GALNTL6: variants seen among roughly 807,000 people sequenced by gnomAD.
GALNTL6 encodes the protein polypeptide N-acetylgalactosaminyltransferase-like 6.
In GALNTL6, 46 loss-of-function variants were observed where a neutral mutation model predicts 73.7. That is an observed-to-expected ratio of 0.62 (90% CI 0.49 to 0.80). The LOEUF is 0.80. GALNTL6 is among the 30% of genes least tolerant of loss of function. The pLI is 0.00. For missense variants in GALNTL6, 604 were observed against 755.0 expected (o/e 0.80, Z 2.34); for synonymous variants, 259 against 263.7 (o/e 0.98, Z 0.17).
intron 12 of GALNTL6, among the ~76,000 whole-genome samples, chr4:173,024,218 G>A (rs1753136506): frequency 6.6e-6 from 1 of 152,192 alleles, no homozygotes; most frequent in Admixed American, 6.5e-5. Flanking sequence ...AGGATCCTAA[G>A]GGATTTGTGA....
chr4:172,939,429 A>G (rs960840043), intron 9 of GALNTL6, among the ~76,000 whole-genome samples: 3 of 152,264 alleles, frequency 2.0e-5, no homozygotes, highest in Non-Finnish European at 4.4e-5. Flanking sequence ...AAAGTCAATC[A>G]TAAATTAATG....
intron 2 of GALNTL6, among the ~76,000 whole-genome samples, chr4:171,816,880 T>C (rs1474212567): frequency 6.6e-6 from 1 of 151,982 alleles, no homozygotes; most frequent in East Asian, 1.9e-4. Context: ...ATATTGATAT[T>C]GGAACAAATA....
intron 4 of GALNTL6, among the ~76,000 whole-genome samples, chr4:172,324,436 A>G (rs1307404500): frequency 1.3e-5 from 2 of 151,720 alleles, no homozygotes; most frequent in East Asian, 3.8e-4. Context: ...TACTAAGCTT[A>G]AATTTTCCTT....
At chr4:172,416,189 A>C (rs1216928463) in intron 5 of GALNTL6, among the ~76,000 whole-genome samples, 1 of 152,194 alleles carries the variant, frequency 6.6e-6, no homozygotes, top group African/African-American at 2.4e-5. Flanking sequence ...AGAAAGCACA[A>C]CATTAGACGT....
At chr4:172,960,359 A>G (rs190281555) in intron 10 of GALNTL6, among the ~76,000 whole-genome samples, 1 of 152,320 alleles carries the variant, frequency 6.6e-6, no homozygotes, top group East Asian at 1.9e-4. Context: ...TCACGGAACG[A>G]AACTGTAAGC....
chr4:172,847,862 C>T (rs1475334846), intron 7 of GALNTL6, among the ~76,000 whole-genome samples: 1 of 152,178 alleles, frequency 6.6e-6, no homozygotes, highest in Non-Finnish European at 1.5e-5. Flanking sequence ...GAGTGCACAA[C>T]TAGGGGTCTT....
intron 8 of GALNTL6, among the ~76,000 whole-genome samples, chr4:172,925,129 C>A (rs2111302939): frequency 6.6e-6 from 1 of 151,746 alleles, no homozygotes; most frequent in South Asian, 2.1e-4. Context: ...ACCTTGGCCT[C>A]CCAAAGTGCT....
At chr4:172,262,885 T>C (rs2111039241) in intron 3 of GALNTL6, among the ~76,000 whole-genome samples, 1 of 151,740 alleles carries the variant, frequency 6.6e-6, no homozygotes, top group South Asian at 2.1e-4. Context: ...TTAAGTTTAG[T>C]TTGCTAGATA....
At chr4:172,799,599 T>G in intron 5 of GALNTL6, among the ~76,000 whole-genome samples, 1 of 152,156 alleles carries the variant, frequency 6.6e-6, no homozygotes, top group East Asian at 1.9e-4. Context: ...TTTATCTATA[T>G]ATACATTTTA....
At chr4:171,817,922 A>G (rs1384465206) in intron 2 of GALNTL6, among the ~76,000 whole-genome samples, 8 of 151,564 alleles carry the variant, frequency 5.3e-5, no homozygotes, top group Admixed American at 5.2e-4. Flanking sequence ...ATTTTTATTT[A>G]GATGTTACAT....
intron 5 of GALNTL6, among the ~76,000 whole-genome samples, chr4:172,360,180 C>G (rs1742313564): frequency 6.6e-6 from 1 of 152,102 alleles, no homozygotes; most frequent in Admixed American, 6.5e-5. Context: ...ATATATAATT[C>G]CAAGATCCAC....
At chr4:171,982,550 A>C (rs569204024) in intron 2 of GALNTL6, among the ~76,000 whole-genome samples, 3 of 152,054 alleles carry the variant, frequency 2.0e-5, no homozygotes, top group Non-Finnish European at 4.4e-5. Context: ...CGCCCGCCTC[A>C]GCCTCCCAAA....
At chr4:172,337,504 G>A (rs1461620895) in intron 4 of GALNTL6, among the ~76,000 whole-genome samples, 3 of 152,068 alleles carry the variant, frequency 2.0e-5, no homozygotes, top group Non-Finnish European at 4.4e-5. Flanking sequence ...GTGATTATAT[G>A]TCTGGAAAAT....
At chr4:172,823,660 A>G (rs1316927275) in intron 7 of GALNTL6, among the ~76,000 whole-genome samples, 3 of 152,220 alleles carry the variant, frequency 2.0e-5, no homozygotes, top group Non-Finnish European at 4.4e-5. Flanking sequence ...ATAAATTCTG[A>G]TAGGGGAGTG....
intron 3 of GALNTL6, among the ~76,000 whole-genome samples, chr4:172,242,182 G>A (rs1737458407): frequency 6.6e-6 from 1 of 151,956 alleles, no homozygotes; most frequent in Admixed American, 6.6e-5. Flanking sequence ...TAACAAATTG[G>A]GCTGGGAGTT....
chr4:172,737,934 G>A (rs558374841), intron 5 of GALNTL6, among the ~76,000 whole-genome samples: 1 of 152,264 alleles, frequency 6.6e-6, no homozygotes, highest in South Asian at 2.1e-4. Context: ...TTGGCTAGGG[G>A]ATTATAAAGA....
At chr4:172,976,465 C>T (rs1200277235) in intron 10 of GALNTL6, among the ~76,000 whole-genome samples, 2 of 152,208 alleles carry the variant, frequency 1.3e-5, no homozygotes, top group Non-Finnish European at 2.9e-5. Context: ...GGGTACTCAG[C>T]TGCATGCCCA....
chr4:172,935,150 T>C (rs1165579837), intron 9 of GALNTL6, among the ~76,000 whole-genome samples: 1 of 152,106 alleles, frequency 6.6e-6, no homozygotes, highest in African/African-American at 2.4e-5. Context: ...CCTTGGAGGG[T>C]CACCACGCCA....
intron 2 of GALNTL6, among the ~76,000 whole-genome samples, chr4:171,856,013 G>A (rs865807756): frequency 6.6e-6 from 1 of 151,944 alleles, no homozygotes; most frequent in Non-Finnish European, 1.5e-5. Context: ...TCTTTATTAG[G>A]TATATATTTT....
Sources: allele counts gnomAD v4.1 joint callset (sites outside exome capture counted in the v4.1 genomes callset), GRCh38; gene constraint gnomAD v4.1.1; transcripts MANE v1.5; gene names NCBI Gene and HGNC (gene_info 2026-07-23, HGNC 2026-07-21).